The following ROBO3 variants were observed in gnomAD, a reference collection of about 807,000 sequenced individuals.
ROBO3 encodes roundabout guidance receptor 3.
ROBO3 carries 97 observed loss-of-function variants against 160.5 expected under a neutral mutation model. That is an observed-to-expected ratio of 0.60 (90% confidence interval 0.51 to 0.72). ROBO3 has a LOEUF of 0.72. ROBO3 is among the 30% of genes least tolerant of loss of function. The probability of loss-of-function intolerance (pLI) is 0.00; values close to 1 mark genes in which losing one functional copy is unlikely to be tolerated. For missense variants in ROBO3, 1,858 were observed against 1,846.5 expected (o/e 1.01, Z -0.11); for synonymous variants, 780 against 746.2 (o/e 1.05, Z -0.74).
chr11:124,873,402 T>C lies in ROBO3; in HGVS notation c.1618+11T>C, dbSNP rs1565311730. ...GGCTTAAGATGCGGGGTGAGTTTTT[T>C]CTTTCTTCCCTTATTTTGATAATAC... On this transcript the variant is annotated intron_variant, in intron 10 of 27. Coordinates refer to ENST00000397801, the MANE Select transcript of ROBO3 (RefSeq NM_022370.4). This position sits in a 1 kb window ranked among gnomAD's most constrained non-coding sequence, Gnocchi z 4.5. 1 of 1,606,920 alleles carries C rather than the reference T, an allele frequency of 6.2e-7. No homozygotes were observed. The highest frequency in any genetic ancestry group is 1.1e-5 in the South Asian group (1 of 89,464).
chr11:124,880,491 C>T lies in ROBO3; in HGVS notation c.4032C>T (p.Ala1344=), dbSNP rs575678218. The T allele has an allele frequency of 3.2e-5, 52 of 1,603,748 alleles. 1 individual carries two copies. In the East Asian group the frequency reaches 8.5e-4, roughly 26 times the overall value. ...AGGGCACCAGCACATGTTCCACGGCCGGCAGCAACTCTTCCAGGGGCTCCA... is the reference window on the plus strand; with the variant it reads ...AGGGCACCAGCACATGTTCCACGGCTGGCAGCAACTCTTCCAGGGGCTCCA... ...RGQGTSTCST[A]GSNSSRGSSS... The change falls in exon 27 of 28, where the codon GCC becomes GCT. Residue 1344 remains alanine, a synonymous_variant. Transcript: ENST00000397801.
At position 124,865,704 on chromosome 11, in the gene ROBO3, A is replaced by ACCCTGCTGCCTCCCGGCGAT; in HGVS notation, c.132_151dup (p.Ser51CysfsTer14). 6.2e-7 allele frequency: 1 copy of ACCCTGCTGCCTCCCGGCGAT among 1,609,668 alleles called. No individual in the cohort carries two copies. Among genetic ancestry groups the ACCCTGCTGCCTCCCGGCGAT allele is most frequent in the Non-Finnish European group, 8.5e-7 (1 of 1,178,682 alleles). ...CTCCTCGCTGGCGGCGCTCAACCAC[A>ACCCTGCTGCCTCCCGGCGAT]CCCTGCTGCCTCCCGGCGATCCCTC... On this transcript the variant is annotated frameshift_variant, in exon 1 of 28. Transcript: ENST00000397801. LOFTEE classifies it high-confidence loss of function. This position sits in a 1 kb window ranked among gnomAD's most constrained non-coding sequence, Gnocchi z 5.5.
chr11:124,879,648 T>G, intron 25 of ROBO3, 73 bp downstream of exon 25: 1 of 1,511,762 alleles, frequency 6.6e-7, no homozygotes, highest in Non-Finnish European at 9.1e-7. Flanking sequence ...GGGTGCACTC[T>G]GGGGGCTGGA....
chr11:124,877,122 T>C, intron 17 of ROBO3, 39 bp from the exon 18 acceptor site: 1 of 1,612,312 alleles, frequency 6.2e-7, no homozygotes, highest in Non-Finnish European at 8.5e-7. Flanking sequence ...CTTCTCCTCA[T>C]TTCACCTCTT....
chr11:124,879,173 G>A lies in ROBO3; in HGVS notation c.3534-17G>A, dbSNP rs555150248. The A allele has an allele frequency of 2.2e-4, 335 of 1,548,178 alleles. 5 individuals carry two copies. In the East Asian group the frequency reaches 7.8e-3, roughly 36 times the overall value. ...TTTTGTGGAGGGAACAGAGGCTGCG[G>A]CCTCCTGTCATTGCAGGAGGGTGCC... On this transcript the variant is annotated splice_polypyrimidine_tract_variant and intron_variant, in intron 23 of 27. Transcript: ENST00000397801.
At chr11:124,866,636 T>C (rs1268369598) in intron 1 of ROBO3, among the ~76,000 whole-genome samples, 1 of 152,208 alleles carries the variant, frequency 6.6e-6, no homozygotes, top group Non-Finnish European at 1.5e-5. Flanking sequence ...TGTTCATGTG[T>C]GGGGCACATC....
Position 124,873,076 on chromosome 11 carries a change from T to C in ROBO3, c.1523T>C (p.Ile508Thr). ...FKTMANGTLYIANVQEMDMGF... is the reference protein window; with the variant it reads ...FKTMANGTLYTANVQEMDMGF... ...ACAATGGCCAACGGTACCCTGTACA[T>C]CGCCAATGTGCAGGTGAGTGTCACC... is the stretch of plus-strand genomic sequence containing the variant. Residue 508 changes from isoleucine (I) to threonine (T), a missense_variant, in exon 9 of 28, where the codon ATC (isoleucine) becomes ACC (threonine). Transcript: ENST00000397801. The surrounding 1 kb of genome is among the most constrained non-coding windows in gnomAD (Gnocchi z 4.5). 1 of 1,613,672 alleles carries C rather than the reference T, an allele frequency of 6.2e-7. No individual in the cohort carries two copies. Among genetic ancestry groups the C allele is most frequent in the Non-Finnish European group, 8.5e-7 (1 of 1,179,720 alleles).
chr11:124,873,172 T>G lies in ROBO3; in HGVS notation c.1536+83T>G. The G allele has an allele frequency of 6.8e-7, 1 of 1,465,568 alleles. No homozygotes were observed. The highest frequency in any genetic ancestry group is 9.4e-7 in the Non-Finnish European group (1 of 1,061,974). The allele number at this position is 1,465,568 out of a possible 1,614,324, so 90.8% of individuals were successfully genotyped here. ...TACACAAGTAAGTACTCACTGGGCC[T>G]GTAGCCCCATCTTTACCCCTCTGTT... On this transcript the variant is annotated intron_variant, in intron 9 of 27. Transcript: ENST00000397801. This position sits in a 1 kb window ranked among gnomAD's most constrained non-coding sequence, Gnocchi z 4.5.
chr11:124,870,356 T>A, intron 5 of ROBO3, 53 bp downstream of exon 5: 1 of 1,576,408 alleles, frequency 6.3e-7, no homozygotes, highest in East Asian at 2.3e-5. Flanking sequence ...AAGAGACTAT[T>A]CTGCCCTAGA....
chr11:124,877,283 A>C lies in ROBO3; in HGVS notation c.2820A>C (p.Ser940=), dbSNP rs1565314525. The change falls in exon 19 of 28, where the codon TCA becomes TCC. Residue 940 remains serine (S), a synonymous_variant. Transcript: ENST00000397801. The part of the protein sequence containing the change: ...AYTPAVSFPH[S]EGLSGASSRP... Reference sequence around the variant, plus strand: ...TTTCCCCAGTGTCCTTCCCGCACTCAGAGGGCCTCTCTGGAGCCAGTTCCA... The same window carrying C: ...TTTCCCCAGTGTCCTTCCCGCACTCCGAGGGCCTCTCTGGAGCCAGTTCCA... 1 of 1,613,796 alleles carries C rather than the reference A, an allele frequency of 6.2e-7. No individual in the cohort carries two copies. Among genetic ancestry groups the C allele is most frequent in the Non-Finnish European group, 8.5e-7 (1 of 1,179,842 alleles).
In ROBO3 at chr11:124,873,102, C is replaced by A; in HGVS notation, c.1536+13C>A. 6.2e-7 allele frequency: 1 copy of A among 1,609,396 alleles called. No homozygotes were observed. Among genetic ancestry groups the A allele is most frequent in the Non-Finnish European group, 8.5e-7 (1 of 1,177,012 alleles). ...CGCCAATGTGCAGGTGAGTGTCACCCCTGGGGCCCTAGTAGCTGAGAATGG... is the reference window on the plus strand; with the variant it reads ...CGCCAATGTGCAGGTGAGTGTCACCACTGGGGCCCTAGTAGCTGAGAATGG... On this transcript the variant is annotated intron_variant, in intron 9 of 27. Coordinates refer to ENST00000397801, the MANE Select transcript of ROBO3 (RefSeq NM_022370.4). This position sits in a 1 kb window ranked among gnomAD's most constrained non-coding sequence, Gnocchi z 4.5.
chr11:124,873,022 G>A lies in ROBO3; in HGVS notation c.1469G>A (p.Trp490Ter). 1 of 1,613,962 alleles carries A rather than the reference G, an allele frequency of 6.2e-7. No individual in the cohort carries two copies. The highest frequency in any genetic ancestry group is 1.3e-5 in the African/African-American group (1 of 75,044). Residue 490 changes from tryptophan to a stop codon, truncating the protein, a stop_gained, in exon 9 of 28, where the codon TGG becomes TAG. Transcript: ENST00000397801. LOFTEE classifies it high-confidence loss of function. The surrounding 1 kb of genome is among the most constrained non-coding windows in gnomAD (Gnocchi z 4.5). ...GTCCGATGGAAGAAGGATGGGCAGT[G>A]GCTGCAGGGGGATGACCTCCAGTTC... ...PSVRWKKDGQ[W>*]LQGDDLQFKT...
chr11:124,880,470 C>T lies in ROBO3; in HGVS notation c.4011C>T (p.Gly1337=), dbSNP rs774121106. 1.9e-6 allele frequency: 3 copies of T among 1,610,190 alleles called. No individual in the cohort carries two copies. The highest frequency in any genetic ancestry group is 2.7e-5 in the African/African-American group (2 of 74,852). The part of the protein sequence containing the change: ...SRPSFLSRGQ[G]TSTCSTAGSN... Reference sequence around the variant, plus strand: ...CAAGCTTCCTGTCCCGGGGCCAGGGCACCAGCACATGTTCCACGGCCGGCA... The same window carrying T: ...CAAGCTTCCTGTCCCGGGGCCAGGGTACCAGCACATGTTCCACGGCCGGCA... The change falls in exon 27 of 28, where the codon GGC becomes GGT. Residue 1337 remains glycine, a synonymous_variant. Transcript: ENST00000397801.
In ROBO3 at chr11:124,879,246, T is replaced by A; in HGVS notation, c.3590T>A (p.Ile1197Asn). ...PLSVSQPMLG[I>N]REARPAGLGA... is the part of the protein sequence containing the mutation. ...AGTGTATCCCAGCCCATGCTGGGCA[T>A]CCGTGAAGCGAGGCCTGCTGGCTTG... Residue 1197 changes from isoleucine (I) to asparagine (N), a missense_variant, in exon 24 of 28, where the codon ATC (isoleucine) becomes AAC (asparagine). Physicochemically the swap from Ile to Asn is moderately radical, Grantham distance 149. Coordinates refer to ENST00000397801, the MANE Select transcript of ROBO3 (RefSeq NM_022370.4). 6.4e-7 allele frequency: 1 copy of A among 1,563,192 alleles called. No individual in the cohort carries two copies. The highest frequency in any genetic ancestry group is 8.7e-7 in the Non-Finnish European group (1 of 1,153,562).
At chr11:124,870,136 C>G in intron 4 of ROBO3, 29 bp from the exon 5 acceptor site, 1 of 1,614,040 alleles carries the variant, frequency 6.2e-7, no homozygotes, top group Non-Finnish European at 8.5e-7. Flanking sequence ...TGCAGACACC[C>G]TGACTGTTCA....
rs1031106600 is a variant in ROBO3, at chr11:124,869,379, C to G, written c.488-71C>G. 2.9e-6 allele frequency: 4 copies of G among 1,388,094 alleles called. No individual in the cohort carries two copies. Among genetic ancestry groups the G allele is most frequent in the Non-Finnish European group, 4.0e-6 (4 of 1,000,328 alleles). 86.0% of individuals were successfully genotyped at this position (1,388,094 alleles called of 1,614,324 possible). On this transcript the variant is annotated intron_variant, in intron 2 of 27. Transcript: ENST00000397801. This position sits in a 1 kb window ranked among gnomAD's most constrained non-coding sequence, Gnocchi z 4.2. ...CGATCAACCCCTTCCCAAGACAACA[C>G]TTTCCCTGTGTCCTCAGCCAGTTAT...
At position 124,879,304 on chromosome 11, in the gene ROBO3, C is replaced by T. The variant is rs1041748111; in HGVS notation, c.3648C>T (p.Ser1216=). The change falls in exon 24 of 28, where the codon AGC becomes AGT. Residue 1216 remains serine, a synonymous_variant. Coordinates refer to ENST00000397801, the MANE Select transcript of ROBO3 (RefSeq NM_022370.4). The part of the protein sequence containing the change: ...GAGPAASPHL[S]PSPAPSTASS... ...GCCCTGCAGCCTCACCCCACCTCAG[C>T]CCCAGTCCTGCCCCTAGCACAGCCA... is the stretch of plus-strand genomic sequence containing the variant. 2.5e-6 allele frequency: 4 copies of T among 1,607,338 alleles called. No homozygotes were observed. The highest frequency in any genetic ancestry group is 2.5e-6 in the Non-Finnish European group (3 of 1,177,386).
intron 1 of ROBO3, among the ~76,000 whole-genome samples, chr11:124,866,903 G>T (rs1208569319): frequency 6.6e-6 from 1 of 152,180 alleles, no homozygotes; most frequent in Non-Finnish European, 1.5e-5. Context: ...TTTCCAGGAG[G>T]TTAAGCACAG....
Position 124,869,901 on chromosome 11 carries a change from C to T in ROBO3, c.646-47C>T, listed in dbSNP as rs1304562294. The T allele has an allele frequency of 8.4e-6, 13 of 1,552,676 alleles. No homozygotes were observed. Among genetic ancestry groups the T allele is most frequent in the African/African-American group, 2.7e-5 (2 of 73,054 alleles). The stretch of plus-strand genomic sequence containing the variant: ...CACATATATTCACCATATATATATA[C>T]GCTGTGATAGCTGAAATGGACCAAA... On this transcript the variant is annotated intron_variant, in intron 3 of 27. Coordinates refer to ENST00000397801, the MANE Select transcript of ROBO3 (RefSeq NM_022370.4). The surrounding 1 kb of genome is among the most constrained non-coding windows in gnomAD (Gnocchi z 4.2).
Sources: gnomAD v4.1 joint callset for allele counts (sites outside exome capture counted in the v4.1 genomes callset) on GRCh38, gnomAD v4.1.1 for gene constraint, Gnocchi (gnomAD v3.1) non-coding constraint, MANE v1.5 for transcripts, NCBI Gene and HGNC (gene_info 2026-07-23, HGNC 2026-07-21) for gene names.